The following CLCNKB variants were observed in gnomAD, a reference collection of about 807,000 sequenced individuals.
CLCNKB encodes the protein chloride voltage-gated channel Kb.
CLCNKB carries 74 observed loss-of-function variants against 83.8 expected under a neutral mutation model. The ratio of observed to expected loss-of-function variants is 0.88; its 90% confidence interval spans 0.73 to 1.07. The LOEUF (loss-of-function observed/expected upper bound fraction) is 1.07, where lower values mean the gene tolerates loss of function less well. Among genes scored for constraint, CLCNKB ranks in the 50% least tolerant of loss-of-function variants. The probability of loss-of-function intolerance (pLI) is 0.00; values close to 1 mark genes in which losing one functional copy is unlikely to be tolerated. For synonymous variants in CLCNKB, 358 were observed against 356.6 expected, an observed-to-expected ratio of 1.00 and a Z score of -0.04; for missense variants, 798 against 893.6, an observed-to-expected ratio of 0.89 and a Z score of 1.36.
intron 15 of CLCNKB, 132 bp downstream of exon 15, chr1:16,052,543 C>A (rs2023328581): frequency 1.6e-6 from 2 of 1,232,314 alleles, no homozygotes; most frequent in Admixed American, 3.9e-5. Context: ...CAGCTGTGCT[C>A]TGTTCTCCAC....
At position 16,043,819 on chromosome 1, in the gene CLCNKB, G is replaced by T. The variant is rs868951; in HGVS notation, c.-69G>T. 0.33 allele frequency: 50,786 copies of T among 152,136 alleles called. 9,924 individuals are homozygous for T. Among genetic ancestry groups the T allele is most frequent in the South Asian group, 0.48 (2,313 of 4,804 alleles). 9.4% of individuals were successfully genotyped at this position (152,136 alleles called of 1,614,324 possible). A position where few individuals can be genotyped will look rare whatever the true frequency, so the allele number is the denominator to read the frequency against. Reference sequence around the variant, plus strand: ...TGTTGGAACACACACCTGTCCAGGTGCAGGGGAGCTGGAGGCTCTGTGAGA... The same window carrying T: ...TGTTGGAACACACACCTGTCCAGGTTCAGGGGAGCTGGAGGCTCTGTGAGA... On this transcript the variant is annotated 5_prime_UTR_variant, in exon 1 of 20. Coordinates refer to ENST00000375679, the MANE Select transcript of CLCNKB (RefSeq NM_000085.5).
chr1:16,056,285 A>C, intron 18 of CLCNKB, 137 bp from the exon 19 acceptor site: 1 of 916,714 alleles, frequency 1.1e-6, no homozygotes, highest in Non-Finnish European at 1.8e-6. Flanking sequence ...CACATTGGAC[A>C]TTGCAGGCCT....
intron 2 of CLCNKB, 28 bp downstream of exon 2, chr1:16,044,620 C>A: frequency 1.3e-6 from 2 of 1,542,064 alleles, no homozygotes; most frequent in African/African-American, 1.4e-5. Flanking sequence ...TTCCCTTCCC[C>A]CTGGAGGACC....
intron 11 of CLCNKB, 75 bp downstream of exon 11, chr1:16,050,675 T>TC (rs1437852617): frequency 1.3e-6 from 2 of 1,524,858 alleles, no homozygotes; most frequent in Non-Finnish European, 9.1e-7. Context: ...TCTCACTTAA[T>TC]CCCCCCAATA....
Position 16,046,652 on chromosome 1 carries a change from C to G in CLCNKB, c.347C>G (p.Pro116Arg), listed in dbSNP as rs1490973570. 6.2e-7 allele frequency: 1 copy of G among 1,613,962 alleles called. No individual in the cohort carries two copies. The highest frequency in any genetic ancestry group is 8.5e-7 in the Non-Finnish European group (1 of 1,180,000). Reference sequence around the variant, plus strand: ...TCAGGCTTCTCTCAGAGCATCACACCCTCCTCTGGAGGTGAGTCCACAGTC... The same window carrying G: ...TCAGGCTTCTCTCAGAGCATCACACGCTCCTCTGGAGGTGAGTCCACAGTC... ...FSSGFSQSIT[P>R]SSGGSGIPEV... Residue 116 changes from proline to arginine, a missense_variant, in exon 4 of 20, where the codon CCC becomes CGC. Pro to Arg is a moderately radical substitution (Grantham distance 103, BLOSUM62 -2). Coordinates refer to ENST00000375679, the MANE Select transcript of CLCNKB (RefSeq NM_000085.5).
At chr1:16,049,294 G>A in intron 8 of CLCNKB, 49 bp downstream of exon 8, 6 of 1,608,108 alleles carry the variant, frequency 3.7e-6, no homozygotes, top group Non-Finnish European at 3.4e-6. Context: ...GGGCCGGGGC[G>A]AGGGGGCCCT....
intron 5 of CLCNKB, 37 bp downstream of exon 5, chr1:16,048,081 C>T (rs779991559): frequency 6.3e-7 from 1 of 1,594,240 alleles, no homozygotes; most frequent in South Asian, 1.1e-5. Context: ...ACCACCCTAC[C>T]CACCCCAGCC....
chr1:16,056,310 C>G, intron 18 of CLCNKB, 112 bp from the exon 19 acceptor site: 1 of 1,101,238 alleles, frequency 9.1e-7, no homozygotes, highest in South Asian at 1.2e-5. Flanking sequence ...CTCTTGTCTC[C>G]CACACACATC....
Position 16,049,721 on chromosome 1 carries a change from C to T in CLCNKB, c.866+19C>T, listed in dbSNP as rs1424438922. 5 of 1,588,244 alleles carry T rather than the reference C, an allele frequency of 3.1e-6. No homozygotes were observed. Among genetic ancestry groups the T allele is most frequent in the Non-Finnish European group, 4.3e-6 (5 of 1,156,520 alleles). On this transcript the variant is annotated intron_variant, in intron 9 of 19. Transcript: ENST00000375679. ...CGCTGGGGTGAGTGGGTGCCTTGGG[C>T]CCCTGAGAGTCCAAAAGGCATTCCC...
Position 16,048,326 on chromosome 1 carries a change from C to CTGG in CLCNKB, c.499-17_499-16insTGG, listed in dbSNP as rs769245131. ...GCTGCCCTCACCTGGGCCCTGGGCC[C>CTGG]ACCCTTCTCTCTGCAGGGCCCTTTC... is the stretch of plus-strand genomic sequence containing the variant. On this transcript the variant is annotated splice_polypyrimidine_tract_variant and intron_variant, in intron 5 of 19. Coordinates refer to ENST00000375679, the MANE Select transcript of CLCNKB (RefSeq NM_000085.5). 5.6e-6 allele frequency: 9 copies of CTGG among 1,613,734 alleles called. No homozygotes were observed. In the African/African-American group the frequency reaches 1.2e-4, roughly 22 times the overall value.
At position 16,051,485 on chromosome 1, in the gene CLCNKB, T is replaced by C. The variant is rs1466378280; in HGVS notation, c.1235T>C (p.Met412Thr). The change falls in exon 13 of 20, where the codon ATG becomes ACG. Residue 412 changes from methionine (M) to threonine (T), a missense_variant. Met to Thr is a moderately conservative substitution (Grantham distance 81, BLOSUM62 -1). Transcript: ENST00000375679. ...LAFFLVMKFWMLILATTIPMP... is the reference protein window; with the variant it reads ...LAFFLVMKFWTLILATTIPMP... ...GGCTCCCCACTCCCACAGTTCTGGA[T>C]GCTGATTCTGGCCACCACCATCCCC... The C allele has an allele frequency of 1.9e-6, 3 of 1,614,052 alleles. No individual in the cohort carries two copies. The highest frequency in any genetic ancestry group is 2.5e-6 in the Non-Finnish European group (3 of 1,180,012).
Position 16,046,544 on chromosome 1 carries a change from G to T in CLCNKB, c.239G>T (p.Trp80Leu). 6.2e-7 allele frequency: 1 copy of T among 1,614,024 alleles called. No homozygotes were observed. The highest frequency in any genetic ancestry group is 8.5e-7 in the Non-Finnish European group (1 of 1,180,030). Residue 80 changes from tryptophan to leucine, a missense_variant, in exon 4 of 20, where the codon TGG becomes TTG. Physicochemically the swap from Trp to Leu is moderately conservative, Grantham distance 61 (BLOSUM62 -2). Transcript: ENST00000375679. ...AVESVVRAHQ[W>L]LYREIGDSHL... ...ACCCGGCTGTCCCCAGCGCACCAGT[G>T]GCTGTACAGGGAGATTGGGGACAGC...
chr1:16,055,766 G>A lies in CLCNKB; in HGVS notation c.1929+8G>A. 1.9e-6 allele frequency: 3 copies of A among 1,612,556 alleles called. No individual in the cohort carries two copies. The African/African-American group carries it at 4.0e-5, about 21-fold the overall frequency. On this transcript the variant is annotated splice_region_variant and intron_variant, in intron 18 of 19. Coordinates refer to ENST00000375679, the MANE Select transcript of CLCNKB (RefSeq NM_000085.5). Reference sequence around the variant, plus strand: ...GAGACTTCCCTGCATGAGGTAACGGGGAGAACTGGGGAGTGTGACACATGA... The same window carrying A: ...GAGACTTCCCTGCATGAGGTAACGGAGAGAACTGGGGAGTGTGACACATGA...
At chr1:16,054,626 T>G (rs1249633613) in intron 16 of CLCNKB, among the ~76,000 whole-genome samples, 2 of 152,170 alleles carry the variant, frequency 1.3e-5, no homozygotes, top group Non-Finnish European at 2.9e-5. Context: ...TGGAAGACCG[T>G]TAGCATTATG....
chr1:16,052,429 C>G lies in CLCNKB; in HGVS notation c.1622+18C>G. 1 of 1,610,200 alleles carries G rather than the reference C, an allele frequency of 6.2e-7. No individual in the cohort carries two copies. The highest frequency in any genetic ancestry group is 1.1e-5 in the South Asian group (1 of 91,064). On this transcript the variant is annotated intron_variant, in intron 15 of 19. Transcript: ENST00000375679. ...AACATCGGGTGAGTGGTGCCCACCT[C>G]AGGCTGACTGAAGGGGGTCACAGTG...
chr1:16,052,095 C>T, intron 14 of CLCNKB, 103 bp from the exon 15 acceptor site: 1 of 1,457,010 alleles, frequency 6.9e-7, no homozygotes. Flanking sequence ...GCTGTGGCCT[C>T]TTACAAATCA....
intron 15 of CLCNKB, 24 bp from the exon 16 acceptor site, chr1:16,053,615 T>C: frequency 6.2e-7 from 1 of 1,613,756 alleles, no homozygotes; most frequent in Non-Finnish European, 8.5e-7. Flanking sequence ...CTGTGGGGCC[T>C]GATGGGAGCC....
At chr1:16,056,153 C>G (rs552438749) in intron 18 of CLCNKB, among the ~76,000 whole-genome samples, 1 of 152,294 alleles carries the variant, frequency 6.6e-6, no homozygotes, top group African/African-American at 2.4e-5. Context: ...GGGGCAGAGG[C>G]TGACAGGGGA....
rs774299350 is a variant in CLCNKB at position 16,051,769 on chromosome 1, G to A, written c.1357G>A (p.Val453Met). ...TLSFIFPEGI[V>M]AGGITNPIMP... Reference sequence around the variant, plus strand: ...CTCTTTTATCTTCCCTGAGGGCATCGTGGCTGGAGGGATCACCAATCCCAT... The same window carrying A: ...CTCTTTTATCTTCCCTGAGGGCATCATGGCTGGAGGGATCACCAATCCCAT... Residue 453 changes from valine (V) to methionine (M), a missense_variant, in exon 14 of 20, where the codon GTG becomes ATG. Transcript: ENST00000375679. 60 of 1,613,840 alleles carry A rather than the reference G, an allele frequency of 3.7e-5. No homozygotes were observed. The Middle Eastern group carries it at 6.6e-4, about 18-fold the overall frequency.
Sources: allele counts gnomAD v4.1 joint callset (sites outside exome capture counted in the v4.1 genomes callset), GRCh38; gene constraint gnomAD v4.1.1; transcripts MANE v1.5; gene names NCBI Gene and HGNC (gene_info 2026-07-23, HGNC 2026-07-21).